CNTN4: variants seen among roughly 807,000 people sequenced by gnomAD.
The protein encoded by CNTN4 is contactin-4.
Under a neutral mutation model 122.5 loss-of-function variants are expected in CNTN4, and 77 were observed. The observed-to-expected ratio is 0.63, with a 90% confidence interval of 0.52 to 0.76. The LOEUF (loss-of-function observed/expected upper bound fraction) is 0.76. Ranked by LOEUF, CNTN4 falls within the 30% of genes least tolerant of loss-of-function variation. CNTN4 has a pLI of 0.00. For missense variants in CNTN4, 1,256 were observed against 1,259.1 expected (o/e 1.00, Z 0.04); for synonymous variants, 512 against 447.0 (o/e 1.15, Z -1.83).
At chr3:2,435,905 G>T (rs2048242190) in intron 3 of CNTN4, among the ~76,000 whole-genome samples, 1 of 152,102 alleles carries the variant, frequency 6.6e-6, no homozygotes, top group African/African-American at 2.4e-5. Context: ...ATTAATTTCT[G>T]GTTGTCGACT....
At chr3:2,564,015 T>C (rs2079058107) in intron 3 of CNTN4, among the ~76,000 whole-genome samples, 1 of 152,198 alleles carries the variant, frequency 6.6e-6, no homozygotes, top group Non-Finnish European at 1.5e-5. Flanking sequence ...AAGCAAGGTA[T>C]GTTTGTATTT....
chr3:2,417,575 G>C (rs1393705050), intron 3 of CNTN4, among the ~76,000 whole-genome samples: 2 of 152,142 alleles, frequency 1.3e-5, no homozygotes, highest in Non-Finnish European at 2.9e-5. Context: ...AATGAGATTA[G>C]AACCTTCAAA....
chr3:2,565,230 C>G (rs1270429676), intron 3 of CNTN4, among the ~76,000 whole-genome samples: 2 of 152,040 alleles, frequency 1.3e-5, no homozygotes, highest in Non-Finnish European at 2.9e-5. Context: ...TATGTCTTCC[C>G]CTCTTTTGCA....
At chr3:2,188,401 A>G (rs1302354643) in intron 2 of CNTN4, among the ~76,000 whole-genome samples, 1 of 152,180 alleles carries the variant, frequency 6.6e-6, no homozygotes, top group African/African-American at 2.4e-5. Context: ...CAAATGCTTC[A>G]GGAAAGATAG....
intron 4 of CNTN4, among the ~76,000 whole-genome samples, chr3:2,729,167 C>T (rs879264671): frequency 5.8e-4 from 89 of 152,246 alleles, no homozygotes; most frequent in African/African-American, 1.7e-3. Flanking sequence ...AAGGGTCATG[C>T]GGCGAAATGT....
At chr3:2,575,806 CTTCTTTTTTT>C (rs1362982605) in intron 4 of CNTN4, among the ~76,000 whole-genome samples, 10 of 106,750 alleles carry the variant, frequency 9.4e-5, no homozygotes, top group East Asian at 6.3e-4. Context: ...CTTTCTTCTT[CTTCTTTTTTT>C]TTTTTTTTTT....
At chr3:2,926,684 A>C in intron 13 of CNTN4, among the ~76,000 whole-genome samples, 1 of 152,202 alleles carries the variant, frequency 6.6e-6, no homozygotes, top group East Asian at 1.9e-4. Flanking sequence ...TTACACCTGT[A>C]CACCTTTGGA....
intron 3 of CNTN4, among the ~76,000 whole-genome samples, chr3:2,340,711 A>AGAGAGAGAGAGAGAGAGAGGGGGG (rs2044172307): frequency 2.0e-5 from 1 of 49,454 alleles, no homozygotes; most frequent in Admixed American, 2.3e-4. Context: ...ATATATATAT[A>AGAGAGAGAGAGAGAGAGAGGGGGG]GAGAGAGAGA....
At chr3:2,340,926 G>A (rs1473881291) in intron 3 of CNTN4, among the ~76,000 whole-genome samples, 1 of 151,676 alleles carries the variant, frequency 6.6e-6, no homozygotes, top group Non-Finnish European at 1.5e-5. Context: ...ATCTGGAACA[G>A]ACTCTGCAGT....
chr3:2,736,306 T>C lies in CNTN4; in HGVS notation c.147T>C (p.Asn49=), dbSNP rs2089084154. Residue 49 remains asparagine, a synonymous_variant, in exon 5 of 25, where the codon AAT becomes AAC. Coordinates refer to ENST00000418658, the MANE Select transcript of CNTN4 (RefSeq NM_175607.3). ...LDSEEKKVKL[N]CEVKGNPKPH... Reference sequence around the variant, plus strand: ...CTGAGGAGAAAAAAGTGAAGCTCAATTGTGAAGTTAAAGGAAATCCAAAAC... The same window carrying C: ...CTGAGGAGAAAAAAGTGAAGCTCAACTGTGAAGTTAAAGGAAATCCAAAAC... 1.9e-6 allele frequency: 3 copies of C among 1,613,794 alleles called. No homozygotes were observed. The highest frequency in any genetic ancestry group is 2.7e-5 in the African/African-American group (2 of 75,012).
intron 4 of CNTN4, among the ~76,000 whole-genome samples, chr3:2,658,169 G>T (rs999602831): frequency 6.6e-6 from 1 of 151,678 alleles, no homozygotes; most frequent in South Asian, 2.1e-4. Flanking sequence ...CCCACAGGAA[G>T]TTCGCACCTT....
intron 2 of CNTN4, among the ~76,000 whole-genome samples, chr3:2,258,389 G>C (rs1384501193): frequency 6.6e-6 from 1 of 152,042 alleles, no homozygotes; most frequent in Non-Finnish European, 1.5e-5. Context: ...TTTTGATTTT[G>C]AGGTTTCATT....
intron 3 of CNTN4, among the ~76,000 whole-genome samples, chr3:2,555,529 G>C (rs1035760800): frequency 1.3e-5 from 2 of 152,166 alleles, no homozygotes; most frequent in Non-Finnish European, 2.9e-5. Context: ...AATCCTGAAT[G>C]CTGTCAAAGC....
intron 3 of CNTN4, among the ~76,000 whole-genome samples, chr3:2,475,266 G>C (rs1269469662): frequency 2.0e-5 from 3 of 152,196 alleles, no homozygotes; most frequent in Admixed American, 6.5e-5. Flanking sequence ...GTTCAAAGAA[G>C]AAAAGGATGC....
chr3:2,331,785 G>C (rs1375866934), intron 2 of CNTN4, among the ~76,000 whole-genome samples: 2 of 152,098 alleles, frequency 1.3e-5, no homozygotes, highest in Admixed American at 6.5e-5. Context: ...TTGAATGAAG[G>C]TTGCCAGGTG....
At chr3:2,650,266 G>C (rs2150186299) in intron 4 of CNTN4, among the ~76,000 whole-genome samples, 1 of 152,048 alleles carries the variant, frequency 6.6e-6, no homozygotes, top group Non-Finnish European at 1.5e-5. Flanking sequence ...AAGAGAACAA[G>C]AGTTAGAAGT....
rs149584570 is a variant in CNTN4, at chr3:2,241,953, G to A, written c.-144-97225G>A. On this transcript the variant is annotated intron_variant, in intron 2 of 24. Coordinates refer to ENST00000418658, the MANE Select transcript of CNTN4 (RefSeq NM_175607.3). ...TGCCCCATTGGATAAATCATCTCAT[G>A]TCATCATTTATTTAACTTCAAACAC... 5.6e-3 allele frequency among the ~76,000 whole-genome samples: 859 copies of A among 152,106 alleles called. 6 individuals carry two copies. Among genetic ancestry groups the A allele is most frequent in the African/African-American group, 0.02 (817 of 41,510 alleles).
intron 3 of CNTN4, among the ~76,000 whole-genome samples, chr3:2,353,715 G>T (rs1464189719): frequency 6.6e-6 from 1 of 152,130 alleles, no homozygotes; most frequent in Non-Finnish European, 1.5e-5. Flanking sequence ...ACCAATTCTG[G>T]ACACACCGTC....
intron 2 of CNTN4, among the ~76,000 whole-genome samples, chr3:2,266,733 G>T (rs2041065733): frequency 1.3e-5 from 2 of 152,040 alleles, no homozygotes. Flanking sequence ...TCAGCATTTT[G>T]GAAATACCAC....
Sources: gnomAD v4.1 joint callset for allele counts (sites outside exome capture counted in the v4.1 genomes callset) on GRCh38, gnomAD v4.1.1 for gene constraint, MANE v1.5 for transcripts, NCBI Gene and HGNC (gene_info 2026-07-23, HGNC 2026-07-21) for gene names.